Variants in AKAP13 observed in about 807,000 individuals in gnomAD.
The protein encoded by AKAP13 is A-kinase anchoring protein 13, also known as A-kinase anchor protein 13.
AKAP13 carries 80 observed loss-of-function variants against 264.5 expected under a neutral mutation model. The observed-to-expected ratio is 0.30, with a 90% CI of 0.25 to 0.36. The LOEUF (loss-of-function observed/expected upper bound fraction) is 0.36. Among genes scored for constraint, AKAP13 ranks in the 10% least tolerant of loss-of-function variants. The pLI is 1.00. For synonymous variants in AKAP13, 1,380 were observed against 1,250.2 expected, an observed-to-expected ratio of 1.10 and a Z score of -2.19; for missense variants, 3,712 against 3,435.2, an observed-to-expected ratio of 1.08 and a Z score of -2.01.
At chr15:85,699,685 C>G (rs1464552243) in intron 17 of AKAP13, among the ~76,000 whole-genome samples, 24 of 152,200 alleles carry the variant, frequency 1.6e-4, no homozygotes. Context: ...CAGCTGATCT[C>G]TGATGAAGGC....
rs2087701376 is a variant in AKAP13, at chr15:85,727,718, G to A, written c.7087+255G>A. On this transcript the variant is annotated intron_variant, in intron 29 of 36. Coordinates refer to ENST00000394518, the MANE Select transcript of AKAP13 (RefSeq NM_007200.5). This position sits in a 1 kb window ranked among gnomAD's most constrained non-coding sequence, Gnocchi z 5.3. The stretch of plus-strand genomic sequence containing the variant: ...TATTGATTCTCTTGACTCAGGATCC[G>A]TGTTCTCAAACCTCATGACATTCTC... Among the ~76,000 whole-genome samples the A allele has an allele frequency of 6.6e-6, 1 of 152,182 alleles. No homozygotes were observed. The highest frequency in any genetic ancestry group is 1.5e-5 in the Non-Finnish European group (1 of 68,032).
intron 8 of AKAP13, among the ~76,000 whole-genome samples, chr15:85,605,832 T>A (rs528662773): frequency 2.0e-5 from 3 of 152,172 alleles, no homozygotes; most frequent in Admixed American, 6.5e-5. Context: ...CATAACTTTT[T>A]GTATTTCTGT....
intron 10 of AKAP13, among the ~76,000 whole-genome samples, chr15:85,650,792 A>C (rs1262956900): frequency 2.5e-5 from 3 of 121,666 alleles, no homozygotes; most frequent in Non-Finnish European, 5.3e-5. Flanking sequence ...AAAAAAAAAC[A>C]ACAAAAACTG....
chr15:85,671,119 C>T (rs745322579), intron 14 of AKAP13, among the ~76,000 whole-genome samples: 1 of 151,874 alleles, frequency 6.6e-6, no homozygotes, highest in Non-Finnish European at 1.5e-5. Context: ...TAAACACACT[C>T]TCCTGGTGTT....
Position 85,543,718 on chromosome 15 carries a change from G to GT in AKAP13, c.479-48dup, listed in dbSNP as rs1241851222. Reference sequence around the variant, plus strand: ...ACATAACTTGTCTTTATGTTTGTTTGTTTTTTGTTTTTATATTTTCCTCAC... The same window carrying GT: ...ACATAACTTGTCTTTATGTTTGTTTGTTTTTTTGTTTTTATATTTTCCTCAC... On this transcript the variant is annotated intron_variant, in intron 4 of 36. Transcript: ENST00000394518. 20 of 1,532,900 alleles carry GT rather than the reference G, an allele frequency of 1.3e-5. No individual in the cohort carries two copies. The African/African-American group carries it at 2.1e-4, about 16-fold the overall frequency. 95.0% of individuals were successfully genotyped at this position (1,532,900 alleles called of 1,614,324 possible). A position where few individuals can be genotyped will look rare whatever the true frequency, so the allele number is the denominator to read the frequency against.
chr15:85,393,246 G>A (rs770556500), intron 1 of AKAP13, among the ~76,000 whole-genome samples: 7 of 152,218 alleles, frequency 4.6e-5, no homozygotes, highest in African/African-American at 9.6e-5. Context: ...TACACAGAGC[G>A]GCTGGGCTCA....
At chr15:85,606,658 G>C (rs565669923) in intron 8 of AKAP13, among the ~76,000 whole-genome samples, 61 of 152,300 alleles carry the variant, frequency 4.0e-4, no homozygotes, top group African/African-American at 1.3e-3. Context: ...AGGCATCATG[G>C]GGGTGACTAC....
At chr15:85,657,913 A>C (rs981903128) in intron 11 of AKAP13, among the ~76,000 whole-genome samples, 9 of 152,060 alleles carry the variant, frequency 5.9e-5, no homozygotes, top group Admixed American at 5.2e-4. Context: ...CCTTTGTCAC[A>C]ACTTTGATTT....
In AKAP13 at chr15:85,612,884, C is replaced by T. The variant is rs376091407; in HGVS notation, c.4162-26490C>T. ...TGTGGAGAGAACATATTCTTCTTAC[C>T]TTAATGCCTTAAAAGGGATGCTATT... On this transcript the variant is annotated intron_variant, in intron 8 of 36. Transcript: ENST00000394518. Among the ~76,000 whole-genome samples, 28 of 151,596 alleles carry T rather than the reference C, an allele frequency of 1.8e-4. No individual in the cohort carries two copies. In the East Asian group the frequency reaches 4.8e-3, roughly 26 times the overall value.
chr15:85,748,884 T>G lies in AKAP13; in HGVS notation c.*4207T>G, dbSNP rs1210260883. ...GCAGGAAGCACTCACCCCCCACACC[T>G]TCCCCGGCCTGAGCTTCCCCTACCT... is the stretch of plus-strand genomic sequence containing the variant. On this transcript the variant is annotated 3_prime_UTR_variant, in exon 37 of 37. Transcript: ENST00000394518. 2 of 152,430 alleles carry G rather than the reference T, an allele frequency of 1.3e-5. No individual in the cohort carries two copies. Among genetic ancestry groups the G allele is most frequent in the African/African-American group, 4.8e-5 (2 of 41,456 alleles). The allele number at this position is 152,430 out of a possible 1,614,324, so 9.4% of individuals were successfully genotyped here.
In AKAP13 at chr15:85,397,243, C is replaced by T. The variant is rs537691285; in HGVS notation, c.-12+16445C>T. 2.0e-5 allele frequency among the ~76,000 whole-genome samples: 3 copies of T among 152,186 alleles called. No homozygotes were observed. The South Asian group carries it at 6.2e-4, about 32-fold the overall frequency. On this transcript the variant is annotated intron_variant, in intron 1 of 36. Coordinates refer to ENST00000394518, the MANE Select transcript of AKAP13 (RefSeq NM_007200.5). ...ACAACTGATACATTGTTTTTCATAG[C>T]ACTTTTTGTAAATATTATGTCCTAA...
Position 85,664,712 on chromosome 15 carries a change from A to G in AKAP13, c.4949A>G (p.Asp1650Gly). ...TCTTTGGTGTCACTTTCAGAAGAGG[A>G]TCTGGAGTCAGACCAGAGAGAACAT... ...VDSLVSLSEE[D>G]LESDQREHRM... Residue 1650 changes from aspartate to glycine, a missense_variant, in exon 13 of 37, where the codon GAT becomes GGT. Physicochemically the swap from Asp to Gly is moderately conservative, Grantham distance 94. Coordinates refer to ENST00000394518, the MANE Select transcript of AKAP13 (RefSeq NM_007200.5). The G allele has an allele frequency of 1.2e-6, 2 of 1,614,106 alleles. No individual in the cohort carries two copies. Among genetic ancestry groups the G allele is most frequent in the Middle Eastern group, 1.7e-4 (1 of 6,058 alleles).
intron 19 of AKAP13, among the ~76,000 whole-genome samples, chr15:85,714,869 C>T (rs1567209827): frequency 6.6e-6 from 1 of 151,980 alleles, no homozygotes; most frequent in South Asian, 2.1e-4. Flanking sequence ...CGGGAGGCTG[C>T]GGCAGGAGAA....
Position 85,619,718 on chromosome 15 carries a change from T to A in AKAP13, c.4162-19656T>A, listed in dbSNP as rs896638861. 32 of 1,004,874 alleles carry A rather than the reference T, an allele frequency of 3.2e-5. No individual in the cohort carries two copies. The African/African-American group carries it at 5.2e-4, about 16-fold the overall frequency. The allele number at this position is 1,004,874 out of a possible 1,614,324, so 62.2% of individuals were successfully genotyped here. On this transcript the variant is annotated intron_variant, in intron 8 of 36. Coordinates refer to ENST00000394518, the MANE Select transcript of AKAP13 (RefSeq NM_007200.5). ...TGTATCGGCCGTTATGCTTAGCCAG[T>A]TTATTCTTTATTTTTTTACTGGAGT... is the stretch of plus-strand genomic sequence containing the variant.
intron 30 of AKAP13, among the ~76,000 whole-genome samples, chr15:85,733,873 CTTTTTTTT>C (rs72092500): frequency 1.6e-4 from 13 of 82,590 alleles, no homozygotes; most frequent in African/African-American, 5.5e-4. Context: ...TCTTTCTTTT[CTTTTTTTT>C]TTTTTTTTTT....
chr15:85,744,263 C>T (rs2089283173), intron 36 of AKAP13: 3 of 305,146 alleles, frequency 9.8e-6, no homozygotes, highest in Admixed American at 9.8e-5. Flanking sequence ...CCAGCGGCCA[C>T]AGAGCCTGCG....
chr15:85,648,479 CA>C (rs1389638615), intron 10 of AKAP13, among the ~76,000 whole-genome samples: 2 of 151,990 alleles, frequency 1.3e-5, no homozygotes, highest in Non-Finnish European at 2.9e-5. Flanking sequence ...GAACCATTTA[CA>C]AAATTGCTCA....
At chr15:85,463,715 G>A (rs998877053) in intron 1 of AKAP13, among the ~76,000 whole-genome samples, 1 of 152,110 alleles carries the variant, frequency 6.6e-6, no homozygotes, top group Non-Finnish European at 1.5e-5. Context: ...ATTTGAGCTA[G>A]ACTGGCTACA....
chr15:85,675,915 A>C (rs1597016302), intron 14 of AKAP13, among the ~76,000 whole-genome samples: 1 of 146,968 alleles, frequency 6.8e-6, no homozygotes, highest in Non-Finnish European at 1.5e-5. Context: ...GATCAGTAGA[A>C]GGCTTTTTTT....
Sources: gnomAD v4.1 joint callset for allele counts (sites outside exome capture counted in the v4.1 genomes callset) on GRCh38, gnomAD v4.1.1 for gene constraint, Gnocchi (gnomAD v3.1) non-coding constraint, MANE v1.5 for transcripts, NCBI Gene and HGNC (gene_info 2026-07-23, HGNC 2026-07-21) for gene names.